TPP2: variants seen among roughly 807,000 people sequenced by gnomAD.
TPP2 encodes the protein tripeptidyl peptidase 2.
In TPP2, 34 loss-of-function variants were observed where a neutral mutation model predicts 155.9. The ratio of observed to expected loss-of-function variants is 0.22; its 90% confidence interval spans 0.17 to 0.29. The LOEUF is 0.29. Ranked by LOEUF, TPP2 falls within the 10% of genes least tolerant of loss-of-function variation. TPP2 has a pLI of 1.00. For missense variants in TPP2, 1,028 were observed against 1,522.3 expected, an observed-to-expected ratio of 0.68 and a Z score of 5.40; for synonymous variants, 510 against 529.4, an observed-to-expected ratio of 0.96 and a Z score of 0.50.
intron 1 of TPP2, among the ~76,000 whole-genome samples, chr13:102,597,757 A>G (rs556161156): frequency 5.9e-5 from 9 of 152,368 alleles, no homozygotes; most frequent in Admixed American, 2.0e-4. Flanking sequence ...TTGGGGAAGA[A>G]TAGTTTGTCT....
rs1237580257 is a variant in TPP2, at chr13:102,679,865, A to G, written c.*1549A>G. 2 of 152,226 alleles carry G rather than the reference A, an allele frequency of 1.3e-5. No homozygotes were observed. Among genetic ancestry groups the G allele is most frequent in the African/African-American group, 2.4e-5 (1 of 41,462 alleles). 9.4% of individuals were successfully genotyped at this position (152,226 alleles called of 1,614,324 possible). On this transcript the variant is annotated 3_prime_UTR_variant, in exon 30 of 30. Coordinates refer to ENST00000376052, the MANE Select transcript of TPP2 (RefSeq NM_001330588.2). Reference sequence around the variant, plus strand: ...CAACCCAGGTTTTGCTATTTCAGGTAAGTACTACCTACAGCAGGAATCAGT... The same window carrying G: ...CAACCCAGGTTTTGCTATTTCAGGTGAGTACTACCTACAGCAGGAATCAGT...
chr13:102,619,194 A>G (rs1181949162), intron 5 of TPP2, among the ~76,000 whole-genome samples: 1 of 152,242 alleles, frequency 6.6e-6, no homozygotes, highest in Non-Finnish European at 1.5e-5. Context: ...GTTTCTAGAT[A>G]TAGTAAGCAA....
At chr13:102,669,090 T>C (rs1884801336) in intron 27 of TPP2, among the ~76,000 whole-genome samples, 1 of 152,176 alleles carries the variant, frequency 6.6e-6, no homozygotes. Flanking sequence ...CACCATACAT[T>C]ACTGTTTATA....
In TPP2 at chr13:102,615,714, G is replaced by A. The variant is rs75172703; in HGVS notation, c.391-682G>A. ...CTGTAGTCTTACTCTAGTCCTCTGC[G>A]TACACTAGGCTTATGGCATTTCCCA... On this transcript the variant is annotated intron_variant, in intron 3 of 29. Coordinates refer to ENST00000376052, the MANE Select transcript of TPP2 (RefSeq NM_001330588.2). Among the ~76,000 whole-genome samples, 480 of 152,224 alleles carry A rather than the reference G, an allele frequency of 3.2e-3. 2 individuals are homozygous for A. The highest frequency in any genetic ancestry group is 0.011 in the African/African-American group (438 of 41,536).
Position 102,679,771 on chromosome 13 carries a change from A to G in TPP2, c.*1455A>G, listed in dbSNP as rs1234611887. The G allele has an allele frequency of 6.6e-6, 1 of 152,206 alleles. No individual in the cohort carries two copies. The highest frequency in any genetic ancestry group is 2.4e-5 in the African/African-American group (1 of 41,444). The allele number at this position is 152,206 out of a possible 1,614,324, so 9.4% of individuals were successfully genotyped here. ...AGTAAGAGAATGGAGAAGCTCAGTA[A>G]AGGTAGGATGACTTCCCAAGGTTAT... On this transcript the variant is annotated 3_prime_UTR_variant, in exon 30 of 30. Transcript: ENST00000376052.
chr13:102,627,257 T>C (rs937194549), intron 7 of TPP2, 91 bp downstream of exon 7: 45 of 1,281,144 alleles, frequency 3.5e-5, no homozygotes, highest in Non-Finnish European at 4.1e-5. Context: ...TTACCAAGAA[T>C]ACATTGAACT....
At chr13:102,667,942 C>A in intron 27 of TPP2, 1 of 409,746 alleles carries the variant, frequency 2.4e-6, no homozygotes, top group Non-Finnish European at 3.3e-6. Flanking sequence ...AGAGAGTTAG[C>A]AGTCCCCCTG....
chr13:102,633,935 T>C lies in TPP2; in HGVS notation c.1245-15T>C. ...TTTCACCATCCTAAGCAAACTTCAA[T>C]GGCTTTCCATTTAGTGCTGACGGGG... On this transcript the variant is annotated splice_polypyrimidine_tract_variant and intron_variant, in intron 10 of 29. Coordinates refer to ENST00000376052, the MANE Select transcript of TPP2 (RefSeq NM_001330588.2). The C allele has an allele frequency of 6.2e-7, 1 of 1,613,810 alleles. No homozygotes were observed. The highest frequency in any genetic ancestry group is 8.5e-7 in the Non-Finnish European group (1 of 1,179,782).
intron 24 of TPP2, among the ~76,000 whole-genome samples, chr13:102,651,610 G>T: frequency 2.7e-5 from 4 of 149,976 alleles, no homozygotes; most frequent in Non-Finnish European, 1.5e-5. Flanking sequence ...ATAAATTCCT[G>T]GATGACTCAT....
intron 17 of TPP2, 65 bp downstream of exon 17, chr13:102,643,441 T>C (rs1882898163): frequency 2.2e-6 from 3 of 1,335,644 alleles, no homozygotes; most frequent in Admixed American, 3.0e-5. Context: ...GGGCTAAGAC[T>C]AAGTATTTGC....
At chr13:102,661,677 G>A (rs1251443894) in intron 25 of TPP2, among the ~76,000 whole-genome samples, 2 of 152,114 alleles carry the variant, frequency 1.3e-5, no homozygotes, top group East Asian at 3.9e-4. Context: ...ATGAAAAAAT[G>A]CTCAAAATCG....
intron 14 of TPP2, 147 bp downstream of exon 14, chr13:102,637,386 G>C (rs1264584098): frequency 5.9e-6 from 5 of 847,224 alleles, no homozygotes; most frequent in Non-Finnish European, 8.6e-6. Context: ...AGTTCTTCTG[G>C]TGTGTCTATA....
At chr13:102,601,748 T>C (rs1222649151) in intron 1 of TPP2, among the ~76,000 whole-genome samples, 1 of 152,216 alleles carries the variant, frequency 6.6e-6, no homozygotes, top group Non-Finnish European at 1.5e-5. Context: ...TGGCAAATCC[T>C]CAGGGGGTTT....
chr13:102,618,148 T>C (rs1287254859), intron 4 of TPP2, among the ~76,000 whole-genome samples: 1 of 152,232 alleles, frequency 6.6e-6, no homozygotes, highest in Non-Finnish European at 1.5e-5. Flanking sequence ...AGTGTGTACG[T>C]AATCGAATTT....
rs571558877 is a variant in TPP2, at chr13:102,638,387, CT to C, written c.1913+76del. 1,203 of 1,466,518 alleles carry C rather than the reference CT, an allele frequency of 8.2e-4. 4 individuals are homozygous for C. The highest frequency in any genetic ancestry group is 1.1e-3 in the Non-Finnish European group (1,160 of 1,055,044). The allele number at this position is 1,466,518 out of a possible 1,614,324, so 90.8% of individuals were successfully genotyped here. On this transcript the variant is annotated intron_variant, in intron 15 of 29. Coordinates refer to ENST00000376052, the MANE Select transcript of TPP2 (RefSeq NM_001330588.2). Reference sequence around the variant, plus strand: ...ATGACTATTCATGGAGTCTTGTGGACTTTTAATGATCACTAATACAGAACCA... The same window carrying C: ...ATGACTATTCATGGAGTCTTGTGGACTTTAATGATCACTAATACAGAACCA...
In TPP2 at chr13:102,662,864, G is replaced by A. The variant is rs185649452; in HGVS notation, c.3144-784G>A. On this transcript the variant is annotated intron_variant, in intron 25 of 29. Transcript: ENST00000376052. The stretch of plus-strand genomic sequence containing the variant: ...GGAATTTTATTCAGCCTCCGCGTCG[G>A]GGAACATAGAATAACTCTTTATTGA... Among the ~76,000 whole-genome samples the A allele has an allele frequency of 2.0e-3, 305 of 152,070 alleles. 4 individuals are homozygous for A. The highest frequency in any genetic ancestry group is 7.0e-3 in the African/African-American group (292 of 41,516).
intron 2 of TPP2, among the ~76,000 whole-genome samples, chr13:102,609,635 G>A (rs1880120767): frequency 6.6e-6 from 1 of 151,990 alleles, no homozygotes; most frequent in Non-Finnish European, 1.5e-5. Flanking sequence ...GACCTCAGGT[G>A]ATCTACCTGC....
chr13:102,602,738 G>A (rs899925519), intron 1 of TPP2, among the ~76,000 whole-genome samples: 2 of 152,142 alleles, frequency 1.3e-5, no homozygotes, highest in African/African-American at 2.4e-5. Flanking sequence ...GGGGTGAGGG[G>A]CATGTTGGTC....
Position 102,676,312 on chromosome 13 carries a change from A to G in TPP2, c.3596A>G (p.Tyr1199Cys), listed in dbSNP as rs746541533. ...LFDNKVLTFA[Y>C]KHALVNKMYG... The stretch of plus-strand genomic sequence containing the variant: ...ACATTGTAGGTTTTGACATTTGCAT[A>G]TAAACATGCATTAGTAAATAAAATG... Residue 1199 changes from tyrosine (Y) to cysteine (C), a missense_variant, in exon 29 of 30, where the codon TAT (tyrosine) becomes TGT (cysteine). By Grantham distance (194) the Tyr-to-Cys change is radical. This residue lies in a region of TPP2 where 41 missense variants were observed against 78.3 expected (regional missense o/e 0.52). Coordinates refer to ENST00000376052, the MANE Select transcript of TPP2 (RefSeq NM_001330588.2). The G allele has an allele frequency of 4.4e-6, 7 of 1,601,774 alleles. No homozygotes were observed. Among genetic ancestry groups the G allele is most frequent in the African/African-American group, 1.3e-5 (1 of 74,394 alleles).
Sources: allele counts gnomAD v4.1 joint callset (sites outside exome capture counted in the v4.1 genomes callset), GRCh38; gene constraint gnomAD v4.1.1; regional missense constraint gnomAD v4.1.1; transcripts MANE v1.5; gene names NCBI Gene and HGNC (gene_info 2026-07-23, HGNC 2026-07-21).